Variants in TRIM22 observed in about 807,000 individuals in gnomAD.
TRIM22 encodes E3 ubiquitin-protein ligase TRIM22.
A neutral mutation model predicts 53.6 loss-of-function variants in TRIM22; 45 were observed. The observed-to-expected ratio is 0.84, with a 90% confidence interval of 0.66 to 1.08. The LOEUF is 1.08. Among genes scored for constraint, TRIM22 ranks in the 50% least tolerant of loss-of-function variants. The probability of loss-of-function intolerance (pLI) is 0.00; values close to 1 mark genes in which losing one functional copy is unlikely to be tolerated. For synonymous variants in TRIM22, 225 were observed against 216.6 expected (o/e 1.04, Z -0.34); for missense variants, 616 against 590.9 (o/e 1.04, Z -0.44).
chr11:5,696,348 T>C lies in TRIM22; in HGVS notation c.116T>C (p.Ile39Thr). Residue 39 changes from isoleucine to threonine, a missense_variant, in exon 2 of 8, where the codon ATC (isoleucine) becomes ACC (threonine). Physicochemically the swap from Ile to Thr is moderately conservative, Grantham distance 89. Transcript: ENST00000379965. Reference protein sequence around the residue: ...DCGHSFCQACITAKIKESVII... With the variant: ...DCGHSFCQACTTAKIKESVII... ...GGCCACAGCTTCTGCCAAGCCTGCA[T>C]CACTGCAAAGATCAAGGAGTCAGTG... The C allele has an allele frequency of 6.2e-7, 1 of 1,614,252 alleles. No homozygotes were observed. The highest frequency in any genetic ancestry group is 1.3e-5 in the African/African-American group (1 of 75,064).
chr11:5,696,062 C>A (rs924273932), intron 1 of TRIM22, 105 bp from the exon 2 acceptor site: 8 of 540,492 alleles, frequency 1.5e-5, no homozygotes, highest in African/African-American at 9.5e-5. Context: ...TTTCTTTTCT[C>A]CTTTCTCTGT....
chr11:5,693,152 G>T (rs1157363243), intron 1 of TRIM22, among the ~76,000 whole-genome samples: 3 of 148,306 alleles, frequency 2.0e-5, no homozygotes, highest in Non-Finnish European at 4.5e-5. Flanking sequence ...CCCCCAAACT[G>T]CTGGGATTAC....
chr11:5,698,670 G>A lies in TRIM22; in HGVS notation c.750+125G>A, dbSNP rs181714113. On this transcript the variant is annotated intron_variant, in intron 4 of 7. Coordinates refer to ENST00000379965, the MANE Select transcript of TRIM22 (RefSeq NM_006074.5). ...GACATGAAATGGTTCCTTTGGCCCG[G>A]CATGCCCCTTTTATGCCCATCATTT... 6.6e-6 allele frequency: 5 copies of A among 757,948 alleles called. No individual in the cohort carries two copies. The Admixed American group carries it at 7.9e-5, about 12-fold the overall frequency. 47.0% of individuals were successfully genotyped at this position (757,948 alleles called of 1,614,324 possible). A position where few individuals can be genotyped will look rare whatever the true frequency, so the allele number is the denominator to read the frequency against.
At chr11:5,700,540 G>A (rs12418644) in intron 4 of TRIM22, among the ~76,000 whole-genome samples, 6,777 of 138,948 alleles carry the variant, frequency 0.049, 199 homozygotes, top group Middle Eastern at 0.12. Context: ...TAGGGGGAAA[G>A]TACTCAGTCT....
chr11:5,698,654 T>G, intron 4 of TRIM22, 109 bp downstream of exon 4: 1 of 906,764 alleles, frequency 1.1e-6, no homozygotes, highest in South Asian at 1.7e-5. Context: ...TGACATGAAA[T>G]GGTTCCTTTG....
chr11:5,701,452 A>G (rs1853371952), intron 4 of TRIM22, among the ~76,000 whole-genome samples: 1 of 152,204 alleles, frequency 6.6e-6, no homozygotes, highest in Non-Finnish European at 1.5e-5. Context: ...AATTGTTTAC[A>G]TTTGTTAACG....
chr11:5,697,107 A>G, intron 2 of TRIM22, 141 bp from the exon 3 acceptor site: 2 of 609,152 alleles, frequency 3.3e-6, no homozygotes, highest in Non-Finnish European at 5.7e-6. Flanking sequence ...ATTTTCCCCC[A>G]TGCCATAGGT....
intron 4 of TRIM22, among the ~76,000 whole-genome samples, chr11:5,704,062 C>T (rs969056754): frequency 3.3e-5 from 5 of 152,128 alleles, no homozygotes; most frequent in African/African-American, 1.2e-4. Flanking sequence ...ATTATTTCAG[C>T]CATTGTAGAA....
At chr11:5,693,592 G>A (rs1435050394) in intron 1 of TRIM22, among the ~76,000 whole-genome samples, 3 of 151,532 alleles carry the variant, frequency 2.0e-5, no homozygotes, top group Admixed American at 6.6e-5. Context: ...GTGTGGTGGC[G>A]GGCGCCTGTA....
intron 4 of TRIM22, among the ~76,000 whole-genome samples, chr11:5,699,072 A>G (rs1853319915): frequency 6.6e-6 from 1 of 152,196 alleles, no homozygotes; most frequent in South Asian, 2.1e-4. Flanking sequence ...ATACTATTCC[A>G]TTATCTGAAT....
At chr11:5,691,112 G>A (rs550509771) in intron 1 of TRIM22, 10 of 152,224 alleles carry the variant, frequency 6.6e-5, no homozygotes, top group Non-Finnish European at 1.0e-4. Flanking sequence ...GTTCTTCTGA[G>A]TACCCACAGC....
At position 5,710,756 on chromosome 11, in the gene TRIM22, TG is replaced by T. The variant is rs1853547711; in HGVS notation, c.*1109del. 1 of 152,202 alleles carries T rather than the reference TG, an allele frequency of 6.6e-6. No individual in the cohort carries two copies. The highest frequency in any genetic ancestry group is 6.5e-5 in the Admixed American group (1 of 15,278). 9.4% of individuals were successfully genotyped at this position (152,202 alleles called of 1,614,324 possible). A position where few individuals can be genotyped will look rare whatever the true frequency, so the allele number is the denominator to read the frequency against. ...GAATTTTAAATATAAAAATAAATATTGTTCTGATTATTACTGAAAAGATGTC... is the reference window on the plus strand; with the variant it reads ...GAATTTTAAATATAAAAATAAATATTTTCTGATTATTACTGAAAAGATGTC... On this transcript the variant is annotated 3_prime_UTR_variant, in exon 8 of 8. Transcript: ENST00000379965.
intron 7 of TRIM22, 80 bp from the exon 8 acceptor site, chr11:5,708,973 A>T: frequency 1.7e-6 from 2 of 1,155,410 alleles, no homozygotes; most frequent in Middle Eastern, 2.0e-4. Context: ...CACAAGTTTC[A>T]TTTTCAATAT....
Position 5,706,748 on chromosome 11 carries a change from T to C in TRIM22, c.773+132T>C, listed in dbSNP as rs115694560. ...AATTTGTGTATTAAATTGTCCCAAATTGCTAGTCACAGATTAAAGTTTTCA... is the reference window on the plus strand; with the variant it reads ...AATTTGTGTATTAAATTGTCCCAAACTGCTAGTCACAGATTAAAGTTTTCA... On this transcript the variant is annotated intron_variant, in intron 5 of 7. Transcript: ENST00000379965. 3.9e-3 allele frequency: 3,609 copies of C among 933,510 alleles called. 99 individuals are homozygous for C. The African/African-American group carries it at 0.053, about 14-fold the overall frequency. The allele number at this position is 933,510 out of a possible 1,614,324, so 57.8% of individuals were successfully genotyped here.
At chr11:5,700,389 A>AC (rs1326655999) in intron 4 of TRIM22, among the ~76,000 whole-genome samples, 3 of 152,052 alleles carry the variant, frequency 2.0e-5, no homozygotes, top group African/African-American at 7.2e-5. Flanking sequence ...TGCTAGGATT[A>AC]AAGGCGTGAG....
chr11:5,701,461 C>T (rs1461678324), intron 4 of TRIM22, among the ~76,000 whole-genome samples: 3 of 152,008 alleles, frequency 2.0e-5, no homozygotes, highest in Admixed American at 6.6e-5. Flanking sequence ...CATTTGTTAA[C>T]GTGTATTTTG....
intron 1 of TRIM22, among the ~76,000 whole-genome samples, chr11:5,692,147 TTAATG>T (rs1272513540): frequency 6.6e-6 from 1 of 152,174 alleles, no homozygotes; most frequent in African/African-American, 2.4e-5. Flanking sequence ...ACCAGCAGTT[TTAATG>T]TAGCAAAAAG....
chr11:5,709,198 T>C lies in TRIM22; in HGVS notation c.1047T>C (p.Tyr349=), dbSNP rs374906070. Residue 349 remains tyrosine, a synonymous_variant, in exon 8 of 8, where the codon TAT becomes TAC. Coordinates refer to ENST00000379965, the MANE Select transcript of TRIM22 (RefSeq NM_006074.5). ...CTTTTGGTGTCTTCGGCTGCCAATA[T>C]TTCTCTTCGGGGAAATATTACTGGG... ...FSAFGVFGCQ[Y]FSSGKYYWEV... The C allele has an allele frequency of 2.5e-6, 4 of 1,614,218 alleles. No individual in the cohort carries two copies. The highest frequency in any genetic ancestry group is 4.5e-5 in the East Asian group (2 of 44,890).
In TRIM22 at chr11:5,706,631, G is replaced by C. The variant is rs767396230; in HGVS notation, c.773+15G>C. The stretch of plus-strand genomic sequence containing the variant: ...GTCATGAAAAGGTATATGTGGAAGA[G>C]AGATGTGGTCTTATTTGTCTGAAAA... On this transcript the variant is annotated intron_variant, in intron 5 of 7. Coordinates refer to ENST00000379965, the MANE Select transcript of TRIM22 (RefSeq NM_006074.5). 19 of 1,603,790 alleles carry C rather than the reference G, an allele frequency of 1.2e-5. No homozygotes were observed. The highest frequency in any genetic ancestry group is 1.5e-5 in the Non-Finnish European group (18 of 1,173,436).
Sources: allele counts gnomAD v4.1 joint callset (sites outside exome capture counted in the v4.1 genomes callset), GRCh38; gene constraint gnomAD v4.1.1; transcripts MANE v1.5; gene names NCBI Gene and HGNC (gene_info 2026-07-23, HGNC 2026-07-21).